The following BCL2 variants were observed in gnomAD, a reference collection of about 807,000 sequenced individuals.
BCL2 encodes the protein BCL2 apoptosis regulator.
BCL2 carries 1 observed loss-of-function variant against 14.2 expected under a neutral mutation model. The ratio of observed to expected loss-of-function variants is 0.07; its 90% CI spans 0.02 to 0.33. The LOEUF is 0.33. Among genes scored for constraint, BCL2 ranks in the 10% least tolerant of loss-of-function variants. The probability of loss-of-function intolerance (pLI) is 0.99; values close to 1 mark genes in which losing one functional copy is unlikely to be tolerated. For missense variants in BCL2, 247 were observed against 305.9 expected, an observed-to-expected ratio of 0.81 and a Z score of 1.44; for synonymous variants, 151 against 137.2, an observed-to-expected ratio of 1.10 and a Z score of -0.70.
At chr18:63,289,569 A>G (rs1213063493) in intron 2 of BCL2, among the ~76,000 whole-genome samples, 2 of 152,154 alleles carry the variant, frequency 1.3e-5, no homozygotes, top group Non-Finnish European at 2.9e-5. Context: ...ACAGCTGGAT[A>G]AAGGAAAATG....
At chr18:63,237,942 GA>G (rs1171274785) in intron 2 of BCL2, among the ~76,000 whole-genome samples, 1 of 59,084 alleles carries the variant, frequency 1.7e-5, no homozygotes. Flanking sequence ...TCCAGGGTTG[GA>G]TTTTTTTTTT....
chr18:63,201,940 C>T (rs1401593427), intron 2 of BCL2, among the ~76,000 whole-genome samples: 1 of 152,044 alleles, frequency 6.6e-6, no homozygotes, highest in Non-Finnish European at 1.5e-5. Flanking sequence ...AAGAAGCCTG[C>T]ACGTTCTGCA....
At chr18:63,156,710 G>A (rs1349619245) in intron 2 of BCL2, among the ~76,000 whole-genome samples, 2 of 152,316 alleles carry the variant, frequency 1.3e-5, no homozygotes, top group South Asian at 2.1e-4. Flanking sequence ...CAGACGTTGT[G>A]GGTTGGGGGT....
rs141427165 is a variant in BCL2 at position 63,206,417 on chromosome 18, C to T, written c.586-77658G>A. Among the ~76,000 whole-genome samples the T allele has an allele frequency of 6.3e-3, 958 of 152,374 alleles. 6 individuals are homozygous for T. The highest frequency in any genetic ancestry group is 0.013 in the Admixed American group (205 of 15,308). ...CTAGGATCTCTCATCATCTTCGCTT[C>T]TCTTTCTCACATCAAATGATGCCAA... On this transcript the variant is annotated intron_variant, in intron 2 of 2. Coordinates refer to ENST00000333681, the MANE Select transcript of BCL2 (RefSeq NM_000633.3).
At chr18:63,138,224 C>A (rs972842511) in intron 2 of BCL2, among the ~76,000 whole-genome samples, 1 of 152,216 alleles carries the variant, frequency 6.6e-6, no homozygotes, top group East Asian at 1.9e-4. Context: ...GAGTGGTGGC[C>A]GGCAGAGCAC....
rs77923513 is a variant in BCL2, at chr18:63,232,657, T to A, written c.585+85425A>T. Reference sequence around the variant, plus strand: ...CAACAATGTCAAGAGTGGGAGAAGATGCAGAATAATAAGAATTGTACACAT... The same window carrying A: ...CAACAATGTCAAGAGTGGGAGAAGAAGCAGAATAATAAGAATTGTACACAT... On this transcript the variant is annotated intron_variant, in intron 2 of 2. Coordinates refer to ENST00000333681, the MANE Select transcript of BCL2 (RefSeq NM_000633.3). 4.5e-3 allele frequency among the ~76,000 whole-genome samples: 678 copies of A among 152,350 alleles called. 11 individuals are homozygous for A. The highest frequency in any genetic ancestry group is 0.013 in the African/African-American group (540 of 41,570).
Position 63,286,451 on chromosome 18 carries a change from G to A in BCL2, c.585+31631C>T, listed in dbSNP as rs377357645. Among the ~76,000 whole-genome samples, 41 of 152,120 alleles carry A rather than the reference G, an allele frequency of 2.7e-4. No individual in the cohort carries two copies. In the South Asian group the frequency reaches 8.3e-3, roughly 31 times the overall value. Reference sequence around the variant, plus strand: ...TTTTCATTGAAGGGGAGGCAGGAGGGTTCAACAAAGGAGTTGAACGTAGCT... The same window carrying A: ...TTTTCATTGAAGGGGAGGCAGGAGGATTCAACAAAGGAGTTGAACGTAGCT... On this transcript the variant is annotated intron_variant, in intron 2 of 2. Transcript: ENST00000333681.
At chr18:63,136,481 G>A (rs1317265111) in intron 2 of BCL2, among the ~76,000 whole-genome samples, 1 of 152,222 alleles carries the variant, frequency 6.6e-6, no homozygotes, top group Non-Finnish European at 1.5e-5. Flanking sequence ...CATGGCCATA[G>A]GTTAGACTCC....
intron 2 of BCL2, among the ~76,000 whole-genome samples, chr18:63,221,515 T>A (rs1250565129): frequency 6.6e-6 from 1 of 152,208 alleles, no homozygotes; most frequent in African/African-American, 2.4e-5. Flanking sequence ...AGCTTTTATG[T>A]AAGGCTGACT....
chr18:63,210,690 T>C (rs996221087), intron 2 of BCL2, among the ~76,000 whole-genome samples: 2 of 152,214 alleles, frequency 1.3e-5, no homozygotes, highest in Admixed American at 6.5e-5. Flanking sequence ...GAGAATGAGT[T>C]TATCTAGCCC....
At chr18:63,314,801 A>T (rs1422074932) in intron 2 of BCL2, 2 of 152,236 alleles carry the variant, frequency 1.3e-5, no homozygotes, top group Non-Finnish European at 2.9e-5. Flanking sequence ...CCTTTAATTG[A>T]AGAAAAGCTA....
chr18:63,198,485 C>CACACACAGACACACATTG (rs1568231201), intron 2 of BCL2, among the ~76,000 whole-genome samples: 7 of 147,674 alleles, frequency 4.7e-5, no homozygotes, highest in African/African-American at 1.7e-4. Context: ...CTGACAGAGA[C>CACACACAGACACACATTG]ACACACAGAC....
intron 2 of BCL2, among the ~76,000 whole-genome samples, chr18:63,139,795 C>G (rs1914307205): frequency 6.6e-6 from 1 of 152,256 alleles, no homozygotes; most frequent in Middle Eastern, 3.4e-3. Context: ...AGGGCCCTGC[C>G]TGTTGTGGTG....
At chr18:63,309,420 G>A (rs1471377853) in intron 2 of BCL2, among the ~76,000 whole-genome samples, 2 of 152,226 alleles carry the variant, frequency 1.3e-5, no homozygotes, top group African/African-American at 2.4e-5. Flanking sequence ...AGTAACTGTT[G>A]TTATCTTTCC....
At chr18:63,158,137 G>T (rs1047058285) in intron 2 of BCL2, among the ~76,000 whole-genome samples, 11 of 152,082 alleles carry the variant, frequency 7.2e-5, no homozygotes, top group African/African-American at 2.7e-4. Context: ...AGAGGCTCGG[G>T]AGGCACCACT....
At chr18:63,286,055 G>A (rs907546801) in intron 2 of BCL2, among the ~76,000 whole-genome samples, 2 of 152,196 alleles carry the variant, frequency 1.3e-5, no homozygotes, top group African/African-American at 4.8e-5. Context: ...ACATAAAAGG[G>A]TCACTTGAGG....
chr18:63,196,455 G>T (rs59879982), intron 2 of BCL2, among the ~76,000 whole-genome samples: 1 of 152,050 alleles, frequency 6.6e-6, no homozygotes. Flanking sequence ...TAGTCACTTG[G>T]TTACTAAAAC....
intron 2 of BCL2, among the ~76,000 whole-genome samples, chr18:63,213,233 T>G (rs1910097231): frequency 1.3e-5 from 2 of 152,190 alleles, no homozygotes; most frequent in Non-Finnish European, 2.9e-5. Flanking sequence ...TTGCAGCCAA[T>G]TGTTACCATG....
chr18:63,230,508 A>G (rs1022902322), intron 2 of BCL2, among the ~76,000 whole-genome samples: 3 of 152,164 alleles, frequency 2.0e-5, no homozygotes. Context: ...GAATCAAAAC[A>G]GAAACAATAG....
Sources: gnomAD v4.1 joint callset for allele counts (sites outside exome capture counted in the v4.1 genomes callset) on GRCh38, gnomAD v4.1.1 for gene constraint, MANE v1.5 for transcripts, NCBI Gene and HGNC (gene_info 2026-07-23, HGNC 2026-07-21) for gene names.